Variants in DACT1 observed in about 807,000 individuals in gnomAD.
The protein encoded by DACT1 is dapper homolog 1.
In DACT1, 19 loss-of-function variants were observed where a neutral mutation model predicts 35.3. That is an observed-to-expected ratio of 0.54 (90% CI 0.38 to 0.79). The LOEUF is 0.79. DACT1 is among the 30% of genes least tolerant of loss of function. DACT1 has a pLI of 0.00. For missense variants in DACT1, 1,143 were observed against 1,057.5 expected, an observed-to-expected ratio of 1.08 and a Z score of -1.12; for synonymous variants, 545 against 466.7, an observed-to-expected ratio of 1.17 and a Z score of -2.16.
At chr14:58,639,355 G>A (rs2047606373) in intron 1 of DACT1, 1 of 770,186 alleles carries the variant, frequency 1.3e-6, no homozygotes, top group Non-Finnish European at 1.6e-6. Context: ...GTAGCTTAAT[G>A]TATTGATGAA....
chr14:58,641,735 C>A lies in DACT1; in HGVS notation c.622C>A (p.Pro208Thr), dbSNP rs749582603. 2.0e-5 allele frequency: 32 copies of A among 1,612,988 alleles called. No homozygotes were observed. Among genetic ancestry groups the A allele is most frequent in the Non-Finnish European group, 2.6e-5 (31 of 1,179,760 alleles). The change falls in exon 3 of 4, where the codon CCC (proline) becomes ACC (threonine). Residue 208 changes from proline (P) to threonine (T), a missense_variant. Coordinates refer to ENST00000395153, the MANE Select transcript of DACT1 (RefSeq NM_001079520.2). Reference protein sequence around the residue: ...EATLSLSDGCPKSADVNPKYQ... With the variant: ...EATLSLSDGCTKSADVNPKYQ... ...GACCTTGAGTCTCTCAGATGGTTGC[C>A]CCAAATCTGCAGGTAAGAATTTTTA...
At chr14:58,638,609 T>G (rs1275950780) in intron 1 of DACT1, 62 bp downstream of exon 1, 1 of 1,284,866 alleles carries the variant, frequency 7.8e-7, no homozygotes, top group Non-Finnish European at 9.9e-7. Flanking sequence ...GTCGGGCAGG[T>G]GGCCTGGGGC....
chr14:58,639,944 C>T (rs1278786796), intron 1 of DACT1, among the ~76,000 whole-genome samples: 1 of 152,222 alleles, frequency 6.6e-6, no homozygotes, highest in Non-Finnish European at 1.5e-5. Flanking sequence ...TCCTATTGTC[C>T]GCTTGAGGGG....
chr14:58,645,217 C>T (rs2047661216), intron 3 of DACT1, 152 bp from the exon 4 acceptor site: 2 of 1,536,958 alleles, frequency 1.3e-6, no homozygotes, highest in Non-Finnish European at 1.8e-6. Context: ...CTGGTGCTGA[C>T]CAATTCATTT....
At chr14:58,644,382 T>TA (rs1391730523) in intron 3 of DACT1, among the ~76,000 whole-genome samples, 1 of 152,206 alleles carries the variant, frequency 6.6e-6, no homozygotes, top group Non-Finnish European at 1.5e-5. Context: ...TTTATCATAT[T>TA]AAAAAAGTTT....
upstream of DACT1, among the ~76,000 whole-genome samples, chr14:58,637,496 A>C (rs1381154501): frequency 6.6e-6 from 1 of 152,192 alleles, no homozygotes; most frequent in Non-Finnish European, 1.5e-5. Flanking sequence ...AAGAAACCTA[A>C]CTCGGTGTGA....
At position 58,648,275 on chromosome 14, in the gene DACT1, G is replaced by T. The variant is rs1450569122; in HGVS notation, c.*1141G>T. The T allele has an allele frequency of 6.0e-6, 1 of 166,962 alleles. No homozygotes were observed. The highest frequency in any genetic ancestry group is 2.1e-4 in the South Asian group (1 of 4,826). 10.3% of individuals were successfully genotyped at this position (166,962 alleles called of 1,614,324 possible). On this transcript the variant is annotated 3_prime_UTR_variant, in exon 4 of 4. Transcript: ENST00000395153. ...GTAATAAACCATTTGTTTTACTGCTGTTAAGTTTGTTATTTGGGTATAAAA... is the reference window on the plus strand; with the variant it reads ...GTAATAAACCATTTGTTTTACTGCTTTTAAGTTTGTTATTTGGGTATAAAA...
rs2047681397 is a variant in DACT1, at chr14:58,646,331, C to T, written c.1597C>T (p.His533Tyr). 1 of 1,608,948 alleles carries T rather than the reference C, an allele frequency of 6.2e-7. No individual in the cohort carries two copies. Among genetic ancestry groups the T allele is most frequent in the African/African-American group, 1.3e-5 (1 of 74,450 alleles). ...IPGQQPSVRL[H>Y]RGHRNMGVVK... The stretch of plus-strand genomic sequence containing the variant: ...GGGGCAGCAGCCCAGTGTCAGGCTC[C>T]ACCGGGGCCACAGGAACATGGGCGT... The change falls in exon 4 of 4, where the codon CAC becomes TAC. Residue 533 changes from histidine to tyrosine, a missense_variant. Coordinates refer to ENST00000395153, the MANE Select transcript of DACT1 (RefSeq NM_001079520.2).
intron 3 of DACT1, among the ~76,000 whole-genome samples, chr14:58,644,612 T>C (rs1407009067): frequency 2.0e-5 from 3 of 152,202 alleles, no homozygotes; most frequent in East Asian, 1.9e-4. Flanking sequence ...TGAAGTTTGA[T>C]CAGTTTCCAT....
chr14:58,637,887 G>A (rs955159399), upstream of DACT1, among the ~76,000 whole-genome samples: 21 of 151,754 alleles, frequency 1.4e-4, no homozygotes, highest in African/African-American at 4.8e-4. Context: ...TCGCAGCCGA[G>A]GGGCCGGCGC....
intron 3 of DACT1, among the ~76,000 whole-genome samples, chr14:58,643,251 G>A (rs1206883332): frequency 6.6e-6 from 1 of 152,190 alleles, no homozygotes; most frequent in Non-Finnish European, 1.5e-5. Context: ...TCTGCTGAAT[G>A]GCAGGGTTGC....
In DACT1 at chr14:58,646,895, G is replaced by C. The variant is rs1294927921; in HGVS notation, c.2161G>C (p.Glu721Gln). The change falls in exon 4 of 4, where the codon GAG becomes CAG. Residue 721 changes from glutamate (E) to glutamine (Q), a missense_variant. By Grantham distance (29) the Glu-to-Gln change is conservative. Coordinates refer to ENST00000395153, the MANE Select transcript of DACT1 (RefSeq NM_001079520.2). ...CACCACCAACTGCTTCGGGGACAGC[G>C]AGTCGAGTGTGAGCGAGGGCGAGTT... ...NYTTNCFGDSESSVSEGEFVG... is the reference protein window; with the variant it reads ...NYTTNCFGDSQSSVSEGEFVG... 1.9e-6 allele frequency: 3 copies of C among 1,614,158 alleles called. No homozygotes were observed. Among genetic ancestry groups the C allele is most frequent in the South Asian group, 2.2e-5 (2 of 91,078 alleles).
Position 58,638,087 on chromosome 14 carries a change from C to A in DACT1, c.-116C>A. ...GGCTTCTAGCCACCGTCCCCGCCAG[C>A]GCCGCGCCCCGCCACAGGGCGGCAT... is the stretch of plus-strand genomic sequence containing the variant. On this transcript the variant is annotated 5_prime_UTR_variant, in exon 1 of 4. Transcript: ENST00000395153. 1 of 1,103,014 alleles carries A rather than the reference C, an allele frequency of 9.1e-7. No individual in the cohort carries two copies. Among genetic ancestry groups the A allele is most frequent in the Non-Finnish European group, 1.1e-6 (1 of 880,980 alleles). 68.3% of individuals were successfully genotyped at this position (1,103,014 alleles called of 1,614,324 possible).
upstream of DACT1, among the ~76,000 whole-genome samples, chr14:58,637,095 A>G (rs1194788665): frequency 6.6e-6 from 1 of 152,252 alleles, no homozygotes; most frequent in Non-Finnish European, 1.5e-5. Context: ...GAACGTACAC[A>G]GAGAAGGGAG....
chr14:58,646,573 C>T lies in DACT1; in HGVS notation c.1839C>T (p.Gly613=), dbSNP rs2047687728. The T allele has an allele frequency of 5.7e-6, 9 of 1,567,054 alleles. No homozygotes were observed. The highest frequency in any genetic ancestry group is 6.0e-6 in the Non-Finnish European group (7 of 1,157,716). ...TTCCCGGCAGGCCCGCGGGCGGGGGCCACAGGGCGGGGAGCAGGGCGCATG... is the reference window on the plus strand; with the variant it reads ...TTCCCGGCAGGCCCGCGGGCGGGGGTCACAGGGCGGGGAGCAGGGCGCATG... The part of the protein sequence containing the change: ...AGVPGRPAGG[G]HRAGSRAHGH... The change falls in exon 4 of 4, where the codon GGC becomes GGT. Residue 613 remains glycine (G), a synonymous_variant. Transcript: ENST00000395153.
chr14:58,646,364 A>G lies in DACT1; in HGVS notation c.1630A>G (p.Asn544Asp). 2 of 1,605,280 alleles carry G rather than the reference A, an allele frequency of 1.2e-6. No homozygotes were observed. Among genetic ancestry groups the G allele is most frequent in the South Asian group, 2.2e-5 (2 of 89,678 alleles). The change falls in exon 4 of 4, where the codon AAC becomes GAC. Residue 544 changes from asparagine (N) to aspartate (D), a missense_variant. Around this residue, in one of 3 missense-constraint regions of DACT1, gnomAD observed 1,054 missense variants for 958.8 expected, o/e 1.10. Coordinates refer to ENST00000395153, the MANE Select transcript of DACT1 (RefSeq NM_001079520.2). ...RGHRNMGVVKNSSLKHRGPAL... is the reference protein window; with the variant it reads ...RGHRNMGVVKDSSLKHRGPAL... ...CCACAGGAACATGGGCGTCGTGAAG[A>G]ACTCCAGCCTGAAGCACCGCGGCCC...
intron 3 of DACT1, among the ~76,000 whole-genome samples, chr14:58,644,382 TAA>T (rs1391730523): frequency 6.6e-6 from 1 of 152,206 alleles, no homozygotes; most frequent in African/African-American, 2.4e-5. Flanking sequence ...TTTATCATAT[TAA>T]AAAAGTTTTT....
Position 58,646,343 on chromosome 14 carries a change from A to G in DACT1, c.1609A>G (p.Arg537Gly). Residue 537 changes from arginine to glycine, a missense_variant, in exon 4 of 4, where the codon AGG (arginine) becomes GGG (glycine). Physicochemically the swap from Arg to Gly is moderately radical, Grantham distance 125 (BLOSUM62 -2). This residue lies in a region of DACT1 where 1,054 missense variants were observed against 958.8 expected (regional missense o/e 1.10). Transcript: ENST00000395153. ...CAGTGTCAGGCTCCACCGGGGCCAC[A>G]GGAACATGGGCGTCGTGAAGAACTC... ...QPSVRLHRGH[R>G]NMGVVKNSSL... 6.2e-7 allele frequency: 1 copy of G among 1,608,360 alleles called. No individual in the cohort carries two copies. The highest frequency in any genetic ancestry group is 8.5e-7 in the Non-Finnish European group (1 of 1,178,658).
intron 1 of DACT1, among the ~76,000 whole-genome samples, chr14:58,639,566 T>C (rs2047607898): frequency 6.6e-6 from 1 of 152,140 alleles, no homozygotes; most frequent in Non-Finnish European, 1.5e-5. Context: ...TCTTTTCAGA[T>C]CATTTCTTTT....
Sources: allele counts gnomAD v4.1 joint callset (sites outside exome capture counted in the v4.1 genomes callset), GRCh38; gene constraint gnomAD v4.1.1; regional missense constraint gnomAD v4.1.1; transcripts MANE v1.5; gene names NCBI Gene and HGNC (gene_info 2026-07-23, HGNC 2026-07-21).